Variants in HTD2 observed in about 807,000 individuals in gnomAD.
HTD2 encodes the protein hydroxyacyl-thioester dehydratase type 2, mitochondrial.
In HTD2, 1 loss-of-function variant was observed where a neutral mutation model predicts 3.1. That is an observed-to-expected ratio of 0.32 (90% CI 0.11 to 1.52). The LOEUF (loss-of-function observed/expected upper bound fraction) is 1.52, where lower values mean the gene tolerates loss of function less well. HTD2 is among the 40% of genes most tolerant of loss of function. The pLI is 0.39. For synonymous variants in HTD2, 50 were observed against 28.9 expected (o/e 1.73, Z -2.34); for missense variants, 150 against 79.6 (o/e 1.88, Z -3.36).
At chr3:58,312,718 C>T (rs972270119) in intron 2 of HTD2, among the ~76,000 whole-genome samples, 30 of 152,066 alleles carry the variant, frequency 2.0e-4, no homozygotes, top group African/African-American at 7.0e-4. Flanking sequence ...CCCAGCTCTT[C>T]GGGAGGCTGA....
rs1454580961 is a variant in HTD2, at chr3:58,320,160, A to G, written c.*2040A>G. On this transcript the variant is annotated 3_prime_UTR_variant, in exon 5 of 5. Coordinates refer to ENST00000461393, the MANE Select transcript of HTD2 (RefSeq NM_001348712.2). ...ATGTATCAGTACATCATTTTATTTTATGGCTGAATAATATTCCATTGTATT... is the reference window on the plus strand; with the variant it reads ...ATGTATCAGTACATCATTTTATTTTGTGGCTGAATAATATTCCATTGTATT... 1 of 151,972 alleles carries G rather than the reference A, an allele frequency of 6.6e-6. No individual in the cohort carries two copies. Among genetic ancestry groups the G allele is most frequent in the Non-Finnish European group, 1.5e-5 (1 of 68,000 alleles). 9.4% of individuals were successfully genotyped at this position (151,972 alleles called of 1,614,324 possible).
chr3:58,315,456 TGTG>T (rs749955937), intron 2 of HTD2, among the ~76,000 whole-genome samples: 5 of 152,174 alleles, frequency 3.3e-5, no homozygotes, highest in Non-Finnish European at 7.3e-5. Flanking sequence ...TATCATTGAT[TGTG>T]GTGGTAGTTA....
At position 58,316,974 on chromosome 3, in the gene HTD2, G is replaced by A. The variant is rs2097488983; in HGVS notation, c.-194G>A. On this transcript the variant is annotated 5_prime_UTR_variant, in exon 4 of 5. In the 5' UTR this introduces an upstream ATG that the reference lacks. Transcript: ENST00000461393. ...TTAGGATCCTATAAAGGCAAAAAAT[G>A]TGCTTTCCGGGTGATTCAGGTAAAG... is the stretch of plus-strand genomic sequence containing the variant. The A allele has an allele frequency of 4.3e-6, 7 of 1,613,838 alleles. No individual in the cohort carries two copies. Among genetic ancestry groups the A allele is most frequent in the Non-Finnish European group, 5.9e-6 (7 of 1,179,784 alleles).
At chr3:58,311,033 C>A (rs566637031) in intron 2 of HTD2, among the ~76,000 whole-genome samples, 27 of 151,620 alleles carry the variant, frequency 1.8e-4, no homozygotes, top group Middle Eastern at 3.4e-3. Context: ...TTGTAATAAA[C>A]ACATTTGTAT....
At chr3:58,310,888 C>T (rs1044844774) in intron 2 of HTD2, among the ~76,000 whole-genome samples, 1 of 150,626 alleles carries the variant, frequency 6.6e-6, no homozygotes, top group African/African-American at 2.5e-5. Flanking sequence ...CGAGATAACG[C>T]CACTGCACTC....
chr3:58,314,501 A>G (rs563035585), intron 2 of HTD2, among the ~76,000 whole-genome samples: 6 of 152,170 alleles, frequency 3.9e-5, no homozygotes, highest in Non-Finnish European at 8.8e-5. Context: ...AACATTAGCC[A>G]TTAGGGAAAT....
intron 2 of HTD2, among the ~76,000 whole-genome samples, chr3:58,311,668 T>C (rs2097482374): frequency 7.6e-6 from 1 of 132,444 alleles, no homozygotes; most frequent in African/African-American, 2.7e-5. Context: ...TTCTACATTT[T>C]GCCTATTGGG....
At chr3:58,316,741 C>G (rs987298165) in intron 3 of HTD2, 150 bp downstream of exon 3, 1 of 877,184 alleles carries the variant, frequency 1.1e-6, no homozygotes, top group Non-Finnish European at 1.8e-6. Flanking sequence ...GAACATTCAT[C>G]CACCAGAAAC....
At chr3:58,314,234 C>T (rs577395944) in intron 2 of HTD2, among the ~76,000 whole-genome samples, 201 of 152,136 alleles carry the variant, frequency 1.3e-3, no homozygotes, top group Non-Finnish European at 2.1e-3. Context: ...GCCTGTAACC[C>T]CAGCTACTCG....
intron 2 of HTD2, among the ~76,000 whole-genome samples, chr3:58,315,396 G>T (rs2097487189): frequency 6.6e-6 from 1 of 151,570 alleles, no homozygotes; most frequent in South Asian, 2.1e-4. Context: ...GGAGGGGTGG[G>T]TGTGGCTGTA....
At position 58,317,539 on chromosome 3, in the gene HTD2, T is replaced by C. The variant is rs2097489610; in HGVS notation, c.-75T>C. The stretch of plus-strand genomic sequence containing the variant: ...TTGGAAACGTTCATCCACTCTCATA[T>C]TTATTTTTTGGTGCCTGCATGTTTG... On this transcript the variant is annotated 5_prime_UTR_variant, in exon 5 of 5. Transcript: ENST00000461393. 1 of 1,369,518 alleles carries C rather than the reference T, an allele frequency of 7.3e-7. No homozygotes were observed. Among genetic ancestry groups the C allele is most frequent in the African/African-American group, 1.4e-5 (1 of 69,152 alleles). 84.8% of individuals were successfully genotyped at this position (1,369,518 alleles called of 1,614,324 possible).
At chr3:58,313,703 T>C (rs1286885643) in intron 2 of HTD2, among the ~76,000 whole-genome samples, 2 of 152,148 alleles carry the variant, frequency 1.3e-5, no homozygotes, top group Non-Finnish European at 2.9e-5. Flanking sequence ...TGTGCACTGA[T>C]AGTCCCAACT....
rs939280649 is a variant in HTD2, at chr3:58,306,572, T to A, written c.-495T>A. ...CCTCTGTACGGCGCCGCGTAGGGTC[T>A]CGGCCGCAGAACGTGGCCGAGAGGC... On this transcript the variant is annotated 5_prime_UTR_variant, in exon 1 of 5. Coordinates refer to ENST00000461393, the MANE Select transcript of HTD2 (RefSeq NM_001348712.2). 3.3e-5 allele frequency: 5 copies of A among 152,186 alleles called. No individual in the cohort carries two copies. The highest frequency in any genetic ancestry group is 9.6e-5 in the African/African-American group (4 of 41,456). 9.4% of individuals were successfully genotyped at this position (152,186 alleles called of 1,614,324 possible).
At chr3:58,308,337 G>A (rs1352065785) in intron 1 of HTD2, among the ~76,000 whole-genome samples, 1 of 152,154 alleles carries the variant, frequency 6.6e-6, no homozygotes, top group Non-Finnish European at 1.5e-5. Context: ...AGGCTGGAGT[G>A]CAGTGGTACA....
intron 4 of HTD2, 59 bp downstream of exon 4, chr3:58,317,052 T>A: frequency 1.7e-6 from 2 of 1,194,912 alleles, no homozygotes; most frequent in Non-Finnish European, 2.5e-6. Flanking sequence ...AACTGCTTCT[T>A]AATATACACA....
At chr3:58,308,720 A>T (rs2107498857) in intron 1 of HTD2, among the ~76,000 whole-genome samples, 1 of 152,338 alleles carries the variant, frequency 6.6e-6, no homozygotes, top group African/African-American at 2.4e-5. Context: ...ACCTTGGATA[A>T]GTCCCTTTCC....
intron 4 of HTD2, 50 bp from the exon 5 acceptor site, chr3:58,317,390 G>C (rs2097489407): frequency 8.0e-7 from 1 of 1,244,688 alleles, no homozygotes; most frequent in Non-Finnish European, 1.2e-6. Context: ...ATTGCCCTGT[G>C]CTTCAGTGTG....
Position 58,318,048 on chromosome 3 carries a change from T to G in HTD2, c.435T>G (p.Ser145=). 1 of 694,296 alleles carries G rather than the reference T, an allele frequency of 1.4e-6. No homozygotes were observed. 43.0% of individuals were successfully genotyped at this position (694,296 alleles called of 1,614,324 possible). A position where few individuals can be genotyped will look rare whatever the true frequency, so the allele number is the denominator to read the frequency against. Residue 145 remains serine, a synonymous_variant, in exon 5 of 5, where the codon TCT becomes TCG. Coordinates refer to ENST00000461393, the MANE Select transcript of HTD2 (RefSeq NM_001348712.2). ...RFIAIIAVSC[S]VIESKKTVME... is the part of the protein sequence containing the mutation. ...TTGCTATTATTGCAGTGTCATGTTC[T>G]GTAATAGAAAGTAAAAAGACTGTTA...
Position 58,318,349 on chromosome 3 carries a change from G to T in HTD2, c.*229G>T. 1 of 403,228 alleles carries T rather than the reference G, an allele frequency of 2.5e-6. No homozygotes were observed. Among genetic ancestry groups the T allele is most frequent in the Non-Finnish European group, 4.4e-6 (1 of 228,142 alleles). The allele number at this position is 403,228 out of a possible 1,614,324, so 25.0% of individuals were successfully genotyped here. A position where few individuals can be genotyped will look rare whatever the true frequency, so the allele number is the denominator to read the frequency against. On this transcript the variant is annotated 3_prime_UTR_variant, in exon 5 of 5. Coordinates refer to ENST00000461393, the MANE Select transcript of HTD2 (RefSeq NM_001348712.2). ...CATTATCTGCCTGGGTTTTTTGTTT[G>T]TTTTTTGTTTTTTAATTCAAGAAGT...
Sources: gnomAD v4.1 joint callset for allele counts (sites outside exome capture counted in the v4.1 genomes callset) on GRCh38, gnomAD v4.1.1 for gene constraint, MANE v1.5 for transcripts, NCBI Gene and HGNC (gene_info 2026-07-23, HGNC 2026-07-21) for gene names.